Variants in RYR2 observed in about 807,000 individuals in gnomAD.
RYR2 encodes the protein cardiac muscle ryanodine receptor-calcium release channel.
In RYR2, 227 loss-of-function variants were observed where a neutral mutation model predicts 601.1. The observed-to-expected ratio is 0.38, with a 90% CI of 0.34 to 0.42. RYR2 has a LOEUF of 0.42. RYR2 is among the 10% of genes least tolerant of loss of function. The probability of loss-of-function intolerance (pLI) is 1.00; values close to 1 mark genes in which losing one functional copy is unlikely to be tolerated. For synonymous variants in RYR2, 2,223 were observed against 2,175.1 expected (o/e 1.02, Z -0.61); for missense variants, 4,646 against 6,156.5 (o/e 0.75, Z 8.21).
intron 29 of RYR2, among the ~76,000 whole-genome samples, chr1:237,576,776 A>G (rs1264294563): frequency 6.6e-6 from 1 of 152,182 alleles, no homozygotes; most frequent in Non-Finnish European, 1.5e-5. Flanking sequence ...AAGAAAATAT[A>G]ATTTCTGAAA....
At chr1:237,384,055 T>C (rs11583145) in intron 8 of RYR2, among the ~76,000 whole-genome samples, 26,035 of 152,154 alleles carry the variant, frequency 0.17, 2,493 homozygotes, top group East Asian at 0.39. Context: ...ATGTAGTTTT[T>C]ACCCAGACTT....
chr1:237,420,083 A>G (rs1000392721), intron 11 of RYR2, among the ~76,000 whole-genome samples: 1 of 152,166 alleles, frequency 6.6e-6, no homozygotes, highest in Non-Finnish European at 1.5e-5. Flanking sequence ...CATTCATTAT[A>G]TATTTTATAC....
chr1:237,593,552 A>T lies in RYR2; in HGVS notation c.4352A>T (p.His1451Leu), dbSNP rs1675471793. The change falls in exon 33 of 105, where the codon CAT becomes CTT. Residue 1451 changes from histidine to leucine, a missense_variant. Coordinates refer to ENST00000366574, the MANE Select transcript of RYR2 (RefSeq NM_001035.3). ...GTGGGCTGGATTACATCAGATTTCC[A>T]TCAGTATGACACAGGCTTTGACTTG... ...VWVGWITSDF[H>L]QYDTGFDLDR... The T allele has an allele frequency of 1.2e-6, 2 of 1,613,950 alleles. No individual in the cohort carries two copies. The highest frequency in any genetic ancestry group is 1.7e-6 in the Non-Finnish European group (2 of 1,179,852).
chr1:237,315,338 C>T (rs1358611948), intron 2 of RYR2, among the ~76,000 whole-genome samples: 1 of 151,690 alleles, frequency 6.6e-6, no homozygotes, highest in Non-Finnish European at 1.5e-5. Flanking sequence ...TTTTCAAAAC[C>T]AGCATAAACC....
Position 237,278,640 on chromosome 1 carries a change from A to G in RYR2, c.168+8024A>G, listed in dbSNP as rs559687495. 1.8e-3 allele frequency among the ~76,000 whole-genome samples: 270 copies of G among 152,262 alleles called. 2 individuals carry two copies. Among genetic ancestry groups the G allele is most frequent in the Non-Finnish European group, 5.0e-4 (34 of 68,014 alleles). ...AGCTGGTGTTAAATTTTTGCAACCCAGTTTTACTCATGGGCAGACCTTTTT... is the reference window on the plus strand; with the variant it reads ...AGCTGGTGTTAAATTTTTGCAACCCGGTTTTACTCATGGGCAGACCTTTTT... On this transcript the variant is annotated intron_variant, in intron 2 of 104. Transcript: ENST00000366574.
At chr1:237,252,221 G>C (rs1318072784) in intron 1 of RYR2, among the ~76,000 whole-genome samples, 2 of 151,850 alleles carry the variant, frequency 1.3e-5, no homozygotes, top group Non-Finnish European at 2.9e-5. Context: ...TACCCTGCCT[G>C]GTCTCTGCAC....
At chr1:237,578,030 G>A (rs1225311981) in intron 29 of RYR2, among the ~76,000 whole-genome samples, 2 of 152,114 alleles carry the variant, frequency 1.3e-5, no homozygotes, top group Non-Finnish European at 2.9e-5. Context: ...GGCTGGTCTT[G>A]AGCTCCTGAC....
At chr1:237,364,855 T>G (rs1700067113) in intron 5 of RYR2, among the ~76,000 whole-genome samples, 1 of 152,164 alleles carries the variant, frequency 6.6e-6, no homozygotes, top group South Asian at 2.1e-4. Flanking sequence ...ACTGGGAAAT[T>G]AGGGGAGGCA....
chr1:237,645,448 TTACTC>T (rs1573312789), intron 48 of RYR2, among the ~76,000 whole-genome samples: 4 of 152,214 alleles, frequency 2.6e-5, no homozygotes, highest in South Asian at 2.1e-4. Context: ...TATCTTTTCT[TTACTC>T]TATACTTTGA....
At chr1:237,591,876 G>A (rs577929831) in intron 32 of RYR2, 23 bp downstream of exon 32, 83 of 1,559,372 alleles carry the variant, frequency 5.3e-5, no homozygotes, top group East Asian at 1.8e-4. Context: ...AGCTTTTGTC[G>A]TTTATTTCTA....
At chr1:237,687,364 T>TTC (rs375655286) in intron 62 of RYR2, 91 bp from the exon 63 acceptor site, 1 of 522,518 alleles carries the variant, frequency 1.9e-6, no homozygotes, top group Non-Finnish European at 3.1e-6. Flanking sequence ...TTTTTTCTTC[T>TTC]TCTTTTTTTT....
rs118151360 is a variant in RYR2, at chr1:237,447,330, T to A, written c.1292+1808T>A. Among the ~76,000 whole-genome samples, 68 of 152,340 alleles carry A rather than the reference T, an allele frequency of 4.5e-4. No individual in the cohort carries two copies. The East Asian group carries it at 0.012, about 27-fold the overall frequency. ...GAAATACCAAAATTCATCTTGAATG[T>A]GATTTACTTTAGCACATCTGCTCTT... On this transcript the variant is annotated intron_variant, in intron 14 of 104. Coordinates refer to ENST00000366574, the MANE Select transcript of RYR2 (RefSeq NM_001035.3).
intron 1 of RYR2, among the ~76,000 whole-genome samples, chr1:237,068,519 G>T (rs547651784): frequency 6.6e-6 from 1 of 152,098 alleles, no homozygotes; most frequent in South Asian, 2.1e-4. Flanking sequence ...TTCAGTCTGT[G>T]GTTTCACATT....
chr1:237,475,169 A>G (rs1343561422), intron 17 of RYR2, among the ~76,000 whole-genome samples: 1 of 152,192 alleles, frequency 6.6e-6, no homozygotes, highest in Admixed American at 6.5e-5. Flanking sequence ...AGAGAAATTC[A>G]ATAAGTGAGC....
At chr1:237,064,006 T>C (rs1321760006) in intron 1 of RYR2, among the ~76,000 whole-genome samples, 1 of 152,150 alleles carries the variant, frequency 6.6e-6, no homozygotes, top group Non-Finnish European at 1.5e-5. Context: ...TTGTGGAGTA[T>C]CTTGAATCTG....
In RYR2 at chr1:237,832,560, T is replaced by C. The variant is rs1419331815; in HGVS notation, c.14817T>C (p.Tyr4939=). 1 of 1,607,446 alleles carries C rather than the reference T, an allele frequency of 6.2e-7. No individual in the cohort carries two copies. ...DETEHTGQES[Y]VWKMYQERCW... ...TTCCTTGACTTTTGCAGGAATCTTATGTCTGGAAGATGTATCAAGAAAGGT... is the reference window on the plus strand; with the variant it reads ...TTCCTTGACTTTTGCAGGAATCTTACGTCTGGAAGATGTATCAAGAAAGGT... Residue 4939 remains tyrosine (Y), a synonymous_variant, in exon 105 of 105, where the codon TAT becomes TAC. Coordinates refer to ENST00000366574, the MANE Select transcript of RYR2 (RefSeq NM_001035.3).
At chr1:237,648,979 C>T (rs140674377) in intron 49 of RYR2, among the ~76,000 whole-genome samples, 111 of 152,272 alleles carry the variant, frequency 7.3e-4, no homozygotes, top group African/African-American at 2.6e-3. Context: ...TTATGCTTCT[C>T]AATAAAAGCA....
chr1:237,536,600 T>A (rs549735625), intron 25 of RYR2, among the ~76,000 whole-genome samples: 322 of 148,656 alleles, frequency 2.2e-3, no homozygotes, highest in African/African-American at 7.0e-3. Context: ...CTGTAGTCCC[T>A]GCTACTGGGG....
rs1573463852 is a variant in RYR2, at chr1:237,674,225, A to C, written c.8714+6A>C. ...AATGGATATGCTGTATCCAGGTAAA[A>C]GTACACATACCCTAAGTACACACTC... is the stretch of plus-strand genomic sequence containing the variant. On this transcript the variant is annotated splice_donor_region_variant and intron_variant, in intron 59 of 104. Coordinates refer to ENST00000366574, the MANE Select transcript of RYR2 (RefSeq NM_001035.3). 6.2e-7 allele frequency: 1 copy of C among 1,605,882 alleles called. No homozygotes were observed. The highest frequency in any genetic ancestry group is 8.5e-7 in the Non-Finnish European group (1 of 1,172,976).
Sources: gnomAD v4.1 joint callset for allele counts (sites outside exome capture counted in the v4.1 genomes callset) on GRCh38, gnomAD v4.1.1 for gene constraint, MANE v1.5 for transcripts, NCBI Gene and HGNC (gene_info 2026-07-23, HGNC 2026-07-21) for gene names.